The following SHOX variants were observed in gnomAD, a reference collection of about 807,000 sequenced individuals.
The protein encoded by SHOX is SHOX homeobox.
In SHOX, 12 loss-of-function variants were observed where a neutral mutation model predicts 29.6. That is an observed-to-expected ratio of 0.41 (90% CI 0.26 to 0.66). The LOEUF is 0.66. Ranked by LOEUF, SHOX falls within the 30% of genes least tolerant of loss-of-function variation. The pLI is 0.35. For missense variants in SHOX, 499 were observed against 437.7 expected (o/e 1.14, Z -1.25); for synonymous variants, 214 against 200.6 (o/e 1.07, Z -0.57).
downstream of SHOX, among the ~76,000 whole-genome samples, chrX:651,775 C>T (rs1233841882): frequency 6.6e-6 from 1 of 151,720 alleles, no homozygotes; most frequent in Non-Finnish European, 1.5e-5. Context: ...TTGACTTTTG[C>T]TTGTATCCCA....
At chrX:634,548 C>A in intron 1 of SHOX, 70 bp from the exon 2 acceptor site, 1 of 1,535,980 alleles carries the variant, frequency 6.5e-7, no homozygotes, top group South Asian at 1.1e-5. Flanking sequence ...CCGCGGGATG[C>A]ACGAAGGGGT....
downstream of SHOX, among the ~76,000 whole-genome samples, chrX:655,643 T>TC (rs2053136836): frequency 1.6e-5 from 2 of 121,546 alleles, no homozygotes; most frequent in Non-Finnish European, 3.5e-5. Context: ...TATATATATA[T>TC]ATATATATAT....
upstream of SHOX, among the ~76,000 whole-genome samples, chrX:629,413 G>A (rs186590068): frequency 3.2e-4 from 46 of 141,804 alleles, no homozygotes; most frequent in African/African-American, 1.1e-3. Context: ...ATCTCTCTCC[G>A]TCTTTCCCCC....
downstream of SHOX, among the ~76,000 whole-genome samples, chrX:655,598 CTCTCTCTCTCTCTCTCTATA>C (rs1477996307): frequency 5.4e-4 from 35 of 65,318 alleles, no homozygotes; most frequent in East Asian, 1.0e-3. Flanking sequence ...CTCTCTCTCT[CTCTCTCTCTCTCTCTCTATA>C]TATATATATA....
intron 2 of SHOX, 45 bp downstream of exon 2, chrX:634,871 G>A: frequency 2.0e-6 from 3 of 1,536,012 alleles, no homozygotes; most frequent in Non-Finnish European, 1.8e-6. Context: ...GCCATCGCCT[G>A]GTCCTCGGGA....
At position 649,757 on chromosome X, in the gene SHOX, T is replaced by C. The variant is rs1470854157; in HGVS notation, c.*5121T>C. Reference sequence around the variant, plus strand: ...GCTGGCCGAACTGAACGATGCTGGGTTGGGTCCTGATTGATACGTATTTTC... The same window carrying C: ...GCTGGCCGAACTGAACGATGCTGGGCTGGGTCCTGATTGATACGTATTTTC... On this transcript the variant is annotated 3_prime_UTR_variant, in exon 5 of 5. Coordinates refer to ENST00000686671, the MANE Select transcript of SHOX (RefSeq NM_000451.4). 1.3e-5 allele frequency among the ~76,000 whole-genome samples: 2 copies of C among 152,026 alleles called. No individual in the cohort carries two copies. The highest frequency in any genetic ancestry group is 2.9e-5 in the Non-Finnish European group (2 of 67,990).
In SHOX at chrX:636,546, A is replaced by T. The variant is rs187296067; in HGVS notation, c.486+1720A>T. 7.9e-3 allele frequency among the ~76,000 whole-genome samples: 119 copies of T among 15,002 alleles called. 4 individuals carry two copies. The highest frequency in any genetic ancestry group is 0.065 in the African/African-American group (61 of 938). 9.8% of individuals were successfully genotyped at this position (15,002 alleles called of 152,430 possible). ...ATATAAACATATATATACATATAAAAATATATATAAACATATATACATATA... is the reference window on the plus strand; with the variant it reads ...ATATAAACATATATATACATATAAATATATATATAAACATATATACATATA... On this transcript the variant is annotated intron_variant, in intron 2 of 4. Coordinates refer to ENST00000686671, the MANE Select transcript of SHOX (RefSeq NM_000451.4).
chrX:634,871 G>T, intron 2 of SHOX, 45 bp downstream of exon 2: 2 of 1,536,012 alleles, frequency 1.3e-6, no homozygotes, highest in Non-Finnish European at 1.8e-6. Context: ...GCCATCGCCT[G>T]GTCCTCGGGA....
rs2052933910 is a variant in SHOX at position 644,752 on chromosome X, C to A, written c.*116C>A. 3 of 1,301,010 alleles carry A rather than the reference C, an allele frequency of 2.3e-6. No individual in the cohort carries two copies. Among genetic ancestry groups the A allele is most frequent in the Non-Finnish European group, 2.0e-6 (2 of 1,017,912 alleles). The allele number at this position is 1,301,010 out of a possible 1,614,324, so 80.6% of individuals were successfully genotyped here. A position where few individuals can be genotyped will look rare whatever the true frequency, so the allele number is the denominator to read the frequency against. On this transcript the variant is annotated 3_prime_UTR_variant, in exon 5 of 5. Coordinates refer to ENST00000686671, the MANE Select transcript of SHOX (RefSeq NM_000451.4). ...CCTTCCGCGGCCACCGTGCTCCGGG[C>A]ACCCCGGGAGCTCCTGCAAGAGGCC...
chrX:642,768 T>TC (rs2052878768), intron 4 of SHOX, among the ~76,000 whole-genome samples: 1 of 150,928 alleles, frequency 6.6e-6, no homozygotes, highest in South Asian at 2.1e-4. Context: ...GGACCTGGTG[T>TC]CCCGGGAGAG....
chrX:627,621 T>A (rs959440745), upstream of SHOX, among the ~76,000 whole-genome samples: 4 of 152,286 alleles, frequency 2.6e-5, no homozygotes, highest in African/African-American at 9.6e-5. Flanking sequence ...GGGGCTTCAG[T>A]TGAAAAAGGG....
upstream of SHOX, among the ~76,000 whole-genome samples, chrX:626,432 C>T (rs1569492143): frequency 8.3e-6 from 1 of 120,776 alleles, no homozygotes; most frequent in Non-Finnish European, 1.8e-5. Context: ...TGTCTTCGTT[C>T]CTCTCTCTCT....
intron 2 of SHOX, among the ~76,000 whole-genome samples, chrX:637,132 G>A (rs1488108356): frequency 2.6e-5 from 4 of 151,988 alleles, no homozygotes; most frequent in Non-Finnish European, 5.9e-5. Context: ...GTGACTTGGA[G>A]GAAGGACTGT....
intron 1 of SHOX, chrX:632,072 C>A: frequency 2.2e-6 from 1 of 447,650 alleles, no homozygotes; most frequent in Non-Finnish European, 4.5e-6. Flanking sequence ...TTCCTTTGAA[C>A]GTCGAGGCTT....
downstream of SHOX, among the ~76,000 whole-genome samples, chrX:655,608 CTCTCTCTATATATATATATATA>C (rs1391889078): frequency 0.057 from 1,375 of 24,022 alleles, 2 homozygotes; most frequent in African/African-American, 0.073. Flanking sequence ...CTCTCTCTCT[CTCTCTCTATATATATATATATA>C]TATATATATA....
upstream of SHOX, chrX:630,702 C>G (rs886074305): frequency 5.1e-5 from 34 of 672,316 alleles, no homozygotes; most frequent in East Asian, 7.1e-4. Context: ...CCGCGGAGCC[C>G]GGAGACCAGT....
chrX:636,315 TATAA>T (rs1569493968), intron 2 of SHOX, among the ~76,000 whole-genome samples: 1 of 142,120 alleles, frequency 7.0e-6, no homozygotes, highest in East Asian at 2.0e-4. Flanking sequence ...ATAAAATATG[TATAA>T]ATATATATAA....
intron 2 of SHOX, among the ~76,000 whole-genome samples, chrX:635,601 C>G (rs1429560812): frequency 2.0e-5 from 3 of 152,224 alleles, no homozygotes; most frequent in Non-Finnish European, 2.9e-5. Context: ...CCCCGAGGAG[C>G]GCGCGAATTC....
rs1306903134 is a variant in SHOX, at chrX:636,738, AACATATATATACATAT to A, written c.486+1914_486+1929del. The stretch of plus-strand genomic sequence containing the variant: ...TATATATACATAAAATATATATATA[AACATATATATACATAT>A]AAAAATATATATATTAACATATATA... On this transcript the variant is annotated intron_variant, in intron 2 of 4. Coordinates refer to ENST00000686671, the MANE Select transcript of SHOX (RefSeq NM_000451.4). Among the ~76,000 whole-genome samples the A allele has an allele frequency of 1.3e-3, 15 of 11,148 alleles. 1 individual carries two copies. Among genetic ancestry groups the A allele is most frequent in the African/African-American group, 8.0e-3 (15 of 1,870 alleles). The allele number at this position is 11,148 out of a possible 152,430, so 7.3% of individuals were successfully genotyped here. A position where few individuals can be genotyped will look rare whatever the true frequency, so the allele number is the denominator to read the frequency against.
Sources: gnomAD v4.1 joint callset for allele counts (sites outside exome capture counted in the v4.1 genomes callset) on GRCh38, gnomAD v4.1.1 for gene constraint, MANE v1.5 for transcripts, NCBI Gene and HGNC (gene_info 2026-07-23, HGNC 2026-07-21) for gene names.